Variants in RNF180 observed in about 807,000 individuals in gnomAD.
RNF180 encodes the protein E3 ubiquitin-protein ligase RNF180.
RNF180 carries 38 observed loss-of-function variants against 59.2 expected under a neutral mutation model. The observed-to-expected ratio is 0.64, with a 90% CI of 0.50 to 0.84. The LOEUF is 0.84. RNF180 is among the 40% of genes least tolerant of loss of function. The pLI, the probability that RNF180 is intolerant of heterozygous loss-of-function variation, is 0.00. For synonymous variants in RNF180, 262 were observed against 240.3 expected (o/e 1.09, Z -0.84); for missense variants, 705 against 700.9 (o/e 1.01, Z -0.07).
intron 5 of RNF180, among the ~76,000 whole-genome samples, chr5:64,256,611 A>G (rs1451671545): frequency 1.3e-5 from 2 of 152,172 alleles, no homozygotes; most frequent in African/African-American, 2.4e-5. Context: ...GCAGCCTTGC[A>G]GTATAGTTTG....
intron 1 of RNF180, among the ~76,000 whole-genome samples, chr5:64,167,734 G>A (rs1183019900): frequency 1.3e-5 from 2 of 151,912 alleles, no homozygotes; most frequent in Non-Finnish European, 2.9e-5. Flanking sequence ...TAAAAATTTC[G>A]CTTAAATTTT....
chr5:64,253,079 A>C lies in RNF180; in HGVS notation c.1227+35683A>C, dbSNP rs187065600. 2.3e-3 allele frequency among the ~76,000 whole-genome samples: 347 copies of C among 152,288 alleles called. 1 individual carries two copies. The highest frequency in any genetic ancestry group is 4.0e-3 in the Non-Finnish European group (269 of 68,016). On this transcript the variant is annotated intron_variant, in intron 5 of 7. Transcript: ENST00000389100. The stretch of plus-strand genomic sequence containing the variant: ...AAACTGAGTTTTAAACTATAAGCCA[A>C]TGATTTGCCTTGAAGATTGTTGTCC...
At position 64,289,845 on chromosome 5, in the gene RNF180, ATTTG is replaced by A. The variant is rs747701672; in HGVS notation, c.1228-35337_1228-35334del. Among the ~76,000 whole-genome samples, 38 of 151,358 alleles carry A rather than the reference ATTTG, an allele frequency of 2.5e-4. No homozygotes were observed. The East Asian group carries it at 5.5e-3, about 22-fold the overall frequency. The stretch of plus-strand genomic sequence containing the variant: ...ATTTTCTCAAAAAACCATCTCTTGG[ATTTG>A]TTTATTTTTTTTGAAAGGTTTTTTT... On this transcript the variant is annotated intron_variant, in intron 5 of 7. Transcript: ENST00000389100.
chr5:64,187,301 A>T (rs1374577723), intron 1 of RNF180, among the ~76,000 whole-genome samples: 1 of 152,216 alleles, frequency 6.6e-6, no homozygotes, highest in Non-Finnish European at 1.5e-5. Context: ...ACTTTTTGTC[A>T]TTAAGGTTGT....
At chr5:64,312,945 C>A (rs1743847018) in intron 5 of RNF180, among the ~76,000 whole-genome samples, 1 of 152,084 alleles carries the variant, frequency 6.6e-6, no homozygotes. Flanking sequence ...GGTACTATAT[C>A]TGGGTGTGGC....
At chr5:64,183,019 G>A (rs1421253095) in intron 1 of RNF180, among the ~76,000 whole-genome samples, 1 of 152,162 alleles carries the variant, frequency 6.6e-6, no homozygotes, top group Non-Finnish European at 1.5e-5. Context: ...ATGCCAGCAG[G>A]TTGGGGAGGA....
chr5:64,269,051 C>G (rs1744854128), intron 5 of RNF180, among the ~76,000 whole-genome samples: 1 of 152,106 alleles, frequency 6.6e-6, no homozygotes, highest in African/African-American at 2.4e-5. Flanking sequence ...ATCCTTACCT[C>G]TCTTATATTC....
Position 64,309,142 on chromosome 5 carries a change from G to T in RNF180, c.1228-16044G>T, listed in dbSNP as rs190328850. Among the ~76,000 whole-genome samples, 576 of 151,686 alleles carry T rather than the reference G, an allele frequency of 3.8e-3. 3 individuals carry two copies. Among genetic ancestry groups the T allele is most frequent in the African/African-American group, 0.013 (543 of 41,450 alleles). On this transcript the variant is annotated intron_variant, in intron 5 of 7. Transcript: ENST00000389100. ...TGAAAATGTCATTTAACAGTCATAG[G>T]AACAAAGGCAAGGAATGTAAAAGGC...
chr5:64,306,187 A>G (rs945117879), intron 5 of RNF180, among the ~76,000 whole-genome samples: 4 of 151,770 alleles, frequency 2.6e-5, no homozygotes, highest in Non-Finnish European at 5.9e-5. Context: ...ACCCAATTGC[A>G]TAAGAATTGT....
chr5:64,200,906 T>C lies in RNF180; in HGVS notation c.99T>C (p.Gly33=). 6.2e-7 allele frequency: 1 copy of C among 1,613,738 alleles called. No homozygotes were observed. The highest frequency in any genetic ancestry group is 8.5e-7 in the Non-Finnish European group (1 of 1,179,688). ...GTAGAAAATGTATAGCAAGCTCTGG[T>C]TGTTTTATGGAGTATCTTGAGAATC... ...WKCRKCIASS[G]CFMEYLENQV... Residue 33 remains glycine (G), a synonymous_variant, in exon 2 of 8, where the codon GGT becomes GGC. Coordinates refer to ENST00000389100, the MANE Select transcript of RNF180 (RefSeq NM_001113561.2).
At chr5:64,209,946 T>C (rs1218351737) in intron 2 of RNF180, among the ~76,000 whole-genome samples, 1 of 152,116 alleles carries the variant, frequency 6.6e-6, no homozygotes, top group Non-Finnish European at 1.5e-5. Flanking sequence ...TTTAGTTTTA[T>C]TGAGTCACTT....
At chr5:64,236,842 A>C (rs1397318158) in intron 5 of RNF180, among the ~76,000 whole-genome samples, 1 of 152,194 alleles carries the variant, frequency 6.6e-6, no homozygotes, top group East Asian at 1.9e-4. Context: ...TGAAAGCCCC[A>C]AGCCTTGGCG....
rs551193922 is a variant in RNF180 at position 64,351,189 on chromosome 5, C to T, written c.1580-18426C>T. The stretch of plus-strand genomic sequence containing the variant: ...TGAAGCAATTGTGAATGGGAGTTCA[C>T]TCATGATTTGGCTGTTTGTCTGTTA... On this transcript the variant is annotated intron_variant, in intron 7 of 7. Coordinates refer to ENST00000389100, the MANE Select transcript of RNF180 (RefSeq NM_001113561.2). 6.8e-4 allele frequency among the ~76,000 whole-genome samples: 103 copies of T among 152,222 alleles called. 1 individual carries two copies. Among genetic ancestry groups the T allele is most frequent in the African/African-American group, 2.5e-3 (102 of 41,554 alleles).
chr5:64,329,457 C>CTTTTTTTTTTT (rs558648872), intron 6 of RNF180, among the ~76,000 whole-genome samples: 1 of 135,656 alleles, frequency 7.4e-6, no homozygotes, highest in Non-Finnish European at 1.6e-5. Flanking sequence ...CTTTTTTTTT[C>CTTTTTTTTTTT]TTTTTTTTTT....
intron 5 of RNF180, among the ~76,000 whole-genome samples, chr5:64,251,570 G>A (rs1340648176): frequency 6.6e-6 from 1 of 152,094 alleles, no homozygotes; most frequent in African/African-American, 2.4e-5. Flanking sequence ...CTACAAGCAT[G>A]TACCACCACA....
chr5:64,181,014 C>T (rs948284735), intron 1 of RNF180, among the ~76,000 whole-genome samples: 1 of 152,176 alleles, frequency 6.6e-6, no homozygotes, highest in Non-Finnish European at 1.5e-5. Context: ...TGGCAAACCA[C>T]TGGTATAGGT....
At chr5:64,315,691 G>A (rs139876151) in intron 5 of RNF180, among the ~76,000 whole-genome samples, 15,353 of 147,448 alleles carry the variant, frequency 0.1, 882 homozygotes, top group South Asian at 0.16. Context: ...AGCCAAGATC[G>A]TGCCATTGCA....
At chr5:64,363,791 A>G (rs1460003627) in intron 7 of RNF180, among the ~76,000 whole-genome samples, 2 of 151,714 alleles carry the variant, frequency 1.3e-5, no homozygotes, top group Admixed American at 1.3e-4. Flanking sequence ...TTTCTTGTAG[A>G]TATCTTTCAC....
chr5:64,339,527 C>CTAT (rs1277132795), intron 7 of RNF180, among the ~76,000 whole-genome samples: 4 of 152,166 alleles, frequency 2.6e-5, no homozygotes, highest in Non-Finnish European at 5.9e-5. Context: ...TTATACCACA[C>CTAT]TATTTCATAT....
Sources: allele counts gnomAD v4.1 joint callset (sites outside exome capture counted in the v4.1 genomes callset), GRCh38; gene constraint gnomAD v4.1.1; transcripts MANE v1.5; gene names NCBI Gene and HGNC (gene_info 2026-07-23, HGNC 2026-07-21).